Variants in CADM2 observed in about 807,000 individuals in gnomAD.
The protein encoded by CADM2 is cell adhesion molecule 2, also known as immunoglobulin superfamily member 4D.
CADM2 carries 12 observed loss-of-function variants against 49.8 expected under a neutral mutation model. The observed-to-expected ratio is 0.24, with a 90% CI of 0.15 to 0.39. CADM2 has a LOEUF of 0.39. Ranked by LOEUF, CADM2 falls within the 10% of genes least tolerant of loss-of-function variation. The pLI is 1.00. For synonymous variants in CADM2, 214 were observed against 175.4 expected (o/e 1.22, Z -1.74); for missense variants, 378 against 492.3 (o/e 0.77, Z 2.20).
intron 2 of CADM2, among the ~76,000 whole-genome samples, chr3:85,786,347 A>G (rs2070989156): frequency 6.6e-6 from 1 of 152,138 alleles, no homozygotes; most frequent in Admixed American, 6.6e-5. Flanking sequence ...AGAAATCTAT[A>G]CAAAGTACCA....
chr3:85,519,656 A>G (rs1411254540), intron 1 of CADM2, among the ~76,000 whole-genome samples: 2 of 152,268 alleles, frequency 1.3e-5, no homozygotes, highest in South Asian at 4.1e-4. Flanking sequence ...TACATGTTTT[A>G]GTAAGTAAAG....
intron 1 of CADM2, among the ~76,000 whole-genome samples, chr3:85,558,080 A>G (rs562396928): frequency 6.6e-6 from 1 of 152,046 alleles, no homozygotes; most frequent in South Asian, 2.1e-4. Flanking sequence ...AATGCAGATC[A>G]CAAACACTTC....
intron 2 of CADM2, among the ~76,000 whole-genome samples, chr3:85,731,985 C>T (rs556427135): frequency 8.0e-5 from 12 of 150,498 alleles, no homozygotes; most frequent in Admixed American, 4.7e-4. Flanking sequence ...TGATGGCTCA[C>T]ACCTGTGATC....
chr3:85,938,201 A>C (rs549079210), intron 7 of CADM2, among the ~76,000 whole-genome samples: 2 of 152,108 alleles, frequency 1.3e-5, no homozygotes, highest in Non-Finnish European at 2.9e-5. Flanking sequence ...TCTAATTTTT[A>C]GCCTTTCTGT....
intron 3 of CADM2, among the ~76,000 whole-genome samples, chr3:85,864,519 G>A (rs1401503055): frequency 6.6e-6 from 1 of 152,058 alleles, no homozygotes; most frequent in Non-Finnish European, 1.5e-5. Flanking sequence ...ATGTACTGGA[G>A]GCTGTCAGCT....
chr3:85,884,725 TC>T (rs1216309580), intron 4 of CADM2, among the ~76,000 whole-genome samples: 16 of 149,528 alleles, frequency 1.1e-4, no homozygotes, highest in East Asian at 9.8e-4. Context: ...ATATTCTTCT[TC>T]TTTTTTTTTT....
intron 1 of CADM2, among the ~76,000 whole-genome samples, chr3:85,224,074 G>T: frequency 6.6e-6 from 1 of 152,210 alleles, no homozygotes; most frequent in South Asian, 2.1e-4. Context: ...ACATGTGCAC[G>T]TATCTTTATA....
intron 5 of CADM2, among the ~76,000 whole-genome samples, chr3:85,901,960 T>A (rs1412801604): frequency 6.6e-6 from 1 of 152,204 alleles, no homozygotes; most frequent in Non-Finnish European, 1.5e-5. Flanking sequence ...ATATCAGTAC[T>A]TTATTCTTTA....
intron 1 of CADM2, among the ~76,000 whole-genome samples, chr3:85,281,005 A>G (rs2043486256): frequency 6.6e-6 from 1 of 151,924 alleles, no homozygotes; most frequent in Admixed American, 6.6e-5. Flanking sequence ...CAGGAAAAAA[A>G]TAAATTCAAA....
intron 1 of CADM2, among the ~76,000 whole-genome samples, chr3:85,482,489 G>A (rs2039254703): frequency 1.3e-5 from 2 of 151,578 alleles, no homozygotes; most frequent in Admixed American, 1.3e-4. Context: ...TACTACTCTC[G>A]CTTGTGATGG....
intron 1 of CADM2, among the ~76,000 whole-genome samples, chr3:85,113,335 T>C (rs910282886): frequency 1.3e-5 from 2 of 152,114 alleles, no homozygotes; most frequent in African/African-American, 4.8e-5. Context: ...GGCAATTTAA[T>C]TGAATATGAG....
At chr3:86,052,018 T>TTCGAA (rs1337500962) in intron 8 of CADM2, among the ~76,000 whole-genome samples, 1 of 152,164 alleles carries the variant, frequency 6.6e-6, no homozygotes, top group Non-Finnish European at 1.5e-5. Flanking sequence ...TGTAAGACAG[T>TTCGAA]TCGAACCCTT....
chr3:85,382,884 C>T (rs548740532), intron 1 of CADM2, among the ~76,000 whole-genome samples: 7 of 152,282 alleles, frequency 4.6e-5, no homozygotes, highest in East Asian at 1.9e-4. Flanking sequence ...AAACTGCCAA[C>T]ACTTACGAGT....
chr3:85,732,574 A>G (rs2067977490), intron 2 of CADM2, among the ~76,000 whole-genome samples: 1 of 149,452 alleles, frequency 6.7e-6, no homozygotes, highest in Non-Finnish European at 1.5e-5. Flanking sequence ...AGACACTGCT[A>G]TATAATAGTG....
intron 1 of CADM2, among the ~76,000 whole-genome samples, chr3:85,377,301 G>C (rs562696013): frequency 6.6e-6 from 1 of 152,174 alleles, no homozygotes; most frequent in East Asian, 1.9e-4. Context: ...CAAGATAGCG[G>C]AATTAGTGTC....
chr3:85,370,249 A>AATAATAATG (rs2033120953), intron 1 of CADM2, among the ~76,000 whole-genome samples: 1 of 146,956 alleles, frequency 6.8e-6, no homozygotes, highest in African/African-American at 2.5e-5. Context: ...TAATAATAAT[A>AATAATAATG]ATAATAATAA....
intron 1 of CADM2, among the ~76,000 whole-genome samples, chr3:85,505,114 G>A (rs9870025): frequency 1 from 152,204 of 152,274 alleles, 76,067 homozygotes; most frequent in Non-Finnish European, 1. Context: ...CAGCCCAGGA[G>A]GGGGCTCCCA....
chr3:85,122,477 A>C (rs567166953), intron 1 of CADM2, among the ~76,000 whole-genome samples: 163 of 152,162 alleles, frequency 1.1e-3, no homozygotes, highest in Admixed American at 2.9e-3. Flanking sequence ...CCTATCACTT[A>C]AATATTAGGA....
At chr3:85,927,966 T>C (rs1428958511) in intron 6 of CADM2, among the ~76,000 whole-genome samples, 2 of 152,144 alleles carry the variant, frequency 1.3e-5, no homozygotes, top group Non-Finnish European at 1.5e-5. Flanking sequence ...TTTAAGATTG[T>C]TCATAAGGTG....
Sources: gnomAD v4.1 joint callset for allele counts (sites outside exome capture counted in the v4.1 genomes callset) on GRCh38, gnomAD v4.1.1 for gene constraint, MANE v1.5 for transcripts, NCBI Gene and HGNC (gene_info 2026-07-23, HGNC 2026-07-21) for gene names.